The following PDZD2 variants were observed in gnomAD, a reference collection of about 807,000 sequenced individuals.
PDZD2 encodes PDZ domain-containing protein 2.
PDZD2 carries 90 observed loss-of-function variants against 220.7 expected under a neutral mutation model. The ratio of observed to expected loss-of-function variants is 0.41; its 90% CI spans 0.34 to 0.49. PDZD2 has a LOEUF of 0.49. PDZD2 is among the 20% of genes least tolerant of loss of function. PDZD2 has a pLI of 0.28. For missense variants in PDZD2, 3,174 were observed against 3,608.5 expected (o/e 0.88, Z 3.08); for synonymous variants, 1,375 against 1,450.5 (o/e 0.95, Z 1.18).
intron 2 of PDZD2, among the ~76,000 whole-genome samples, chr5:31,935,686 T>A (rs974266689): frequency 6.6e-6 from 1 of 152,270 alleles, no homozygotes; most frequent in Non-Finnish European, 1.5e-5. Context: ...AGATTAAATG[T>A]ATTGTGAAAT....
Position 32,087,920 on chromosome 5 carries a change from C to G in PDZD2, c.4472C>G (p.Ala1491Gly), listed in dbSNP as rs1225936247. Reference protein sequence around the residue: ...SSPRRAWAAGAPAYPQWASQP... With the variant: ...SSPRRAWAAGGPAYPQWASQP... Reference sequence around the variant, plus strand: ...CCGAGGAGGGCCTGGGCTGCTGGTGCCCCCGCCTACCCACAATGGGCCTCC... The same window carrying G: ...CCGAGGAGGGCCTGGGCTGCTGGTGGCCCCGCCTACCCACAATGGGCCTCC... The change falls in exon 20 of 25, where the codon GCC (alanine) becomes GGC (glycine). Residue 1491 changes from alanine (A) to glycine (G), a missense_variant. Ala to Gly is a moderately conservative substitution (Grantham distance 60). Around this residue, in one of 4 missense-constraint regions of PDZD2, gnomAD observed 1,861 missense variants for 2,001.0 expected, o/e 0.93. Transcript: ENST00000438447. This position sits in a 1 kb window ranked among gnomAD's most constrained non-coding sequence, Gnocchi z 4.0. 3.1e-6 allele frequency: 5 copies of G among 1,613,530 alleles called. No homozygotes were observed. Among genetic ancestry groups the G allele is most frequent in the Non-Finnish European group, 8.5e-7 (1 of 1,179,788 alleles).
At chr5:31,972,498 G>A (rs948512784) in intron 2 of PDZD2, among the ~76,000 whole-genome samples, 2 of 151,986 alleles carry the variant, frequency 1.3e-5, no homozygotes, top group African/African-American at 4.8e-5. Flanking sequence ...GGTGTATCAT[G>A]TCTGTTTGCC....
At chr5:31,829,507 GGGTTTCACCATGTTGGCAT>G in intron 2 of PDZD2, among the ~76,000 whole-genome samples, 1 of 151,930 alleles carries the variant, frequency 6.6e-6, no homozygotes, top group Non-Finnish European at 1.5e-5. Flanking sequence ...AGTAAAAACA[GGGTTTCACCATGTTGGCAT>G]GGCTGGTCTC....
At position 32,000,067 on chromosome 5, in the gene PDZD2, C is replaced by T. The variant is rs980094611; in HGVS notation, c.1122-72C>T. ...CGTCCCTCCTCACAACCCTCCCTAGCTCCAGAAAATGGCCCTTCTCAGGCC... is the reference window on the plus strand; with the variant it reads ...CGTCCCTCCTCACAACCCTCCCTAGTTCCAGAAAATGGCCCTTCTCAGGCC... On this transcript the variant is annotated intron_variant, in intron 4 of 24. Coordinates refer to ENST00000438447, the MANE Select transcript of PDZD2 (RefSeq NM_178140.4). The surrounding 1 kb of genome is among the most constrained non-coding windows in gnomAD (Gnocchi z 4.5). 1 of 1,407,718 alleles carries T rather than the reference C, an allele frequency of 7.1e-7. No individual in the cohort carries two copies. Among genetic ancestry groups the T allele is most frequent in the Non-Finnish European group, 1.0e-6 (1 of 1,004,968 alleles). 87.2% of individuals were successfully genotyped at this position (1,407,718 alleles called of 1,614,324 possible).
chr5:32,043,409 C>A (rs531866175), intron 7 of PDZD2, among the ~76,000 whole-genome samples: 3 of 152,368 alleles, frequency 2.0e-5, no homozygotes, highest in East Asian at 1.9e-4. Context: ...GGTTACATGA[C>A]CTGGGTCAGG....
chr5:31,692,296 C>T lies in PDZD2; in HGVS notation c.-361+52859C>T, dbSNP rs528320403. The stretch of plus-strand genomic sequence containing the variant: ...GGAGCCTACGCCCACTCGGAACTTG[C>T]GCTGGCCCGCAAGCACCGGGCGCGG... On this transcript the variant is annotated intron_variant, in intron 1 of 24. Coordinates refer to ENST00000438447, the MANE Select transcript of PDZD2 (RefSeq NM_178140.4). 4.3e-3 allele frequency among the ~76,000 whole-genome samples: 653 copies of T among 152,330 alleles called. 5 individuals are homozygous for T. Among genetic ancestry groups the T allele is most frequent in the African/African-American group, 0.015 (616 of 41,590 alleles).
At chr5:32,009,871 C>T (rs1369524874) in intron 5 of PDZD2, among the ~76,000 whole-genome samples, 1 of 152,036 alleles carries the variant, frequency 6.6e-6, no homozygotes, top group African/African-American at 2.4e-5. Context: ...GCAGGTAGAT[C>T]ACTTGAGGTC....
intron 2 of PDZD2, among the ~76,000 whole-genome samples, chr5:31,899,692 A>C (rs574179083): frequency 3.9e-5 from 6 of 152,194 alleles, no homozygotes; most frequent in Non-Finnish European, 4.4e-5. Context: ...CTAACCCTCA[A>C]GGTGGTGGTA....
In PDZD2 at chr5:32,098,296, C is replaced by CT. The variant is rs1743920618; in HGVS notation, c.7948-67dup. On this transcript the variant is annotated intron_variant, in intron 22 of 24. Coordinates refer to ENST00000438447, the MANE Select transcript of PDZD2 (RefSeq NM_178140.4). The surrounding 1 kb of genome is among the most constrained non-coding windows in gnomAD (Gnocchi z 4.1). Reference sequence around the variant, plus strand: ...TTTACTACAGATACGCAGTTAGTTACTATCTCCCTTTTACCGGAAATCGTA... The same window carrying CT: ...TTTACTACAGATACGCAGTTAGTTACTTATCTCCCTTTTACCGGAAATCGTA... The CT allele has an allele frequency of 6.8e-7, 1 of 1,481,088 alleles. No homozygotes were observed. The highest frequency in any genetic ancestry group is 9.3e-7 in the Non-Finnish European group (1 of 1,077,570). 91.7% of individuals were successfully genotyped at this position (1,481,088 alleles called of 1,614,324 possible).
intron 7 of PDZD2, among the ~76,000 whole-genome samples, chr5:32,045,423 CTT>C (rs201242107): frequency 7.0e-6 from 1 of 143,464 alleles, no homozygotes; most frequent in Admixed American, 7.0e-5. Flanking sequence ...TGTGATCTTT[CTT>C]TTTTTTTTTT....
In PDZD2 at chr5:32,087,047, AG is replaced by A. The variant is rs1414482831; in HGVS notation, c.3683-80del. 5 of 738,188 alleles carry A rather than the reference AG, an allele frequency of 6.8e-6. No individual in the cohort carries two copies. The highest frequency in any genetic ancestry group is 1.1e-5 in the Non-Finnish European group (5 of 442,248). 45.7% of individuals were successfully genotyped at this position (738,188 alleles called of 1,614,324 possible). On this transcript the variant is annotated intron_variant, in intron 19 of 24. Transcript: ENST00000438447. This position sits in a 1 kb window ranked among gnomAD's most constrained non-coding sequence, Gnocchi z 4.0. ...ATAATTTTCTAGTTTTTAATAATTG[AG>A]GGGCTGCTTTCTTATATTATCCCTT...
At chr5:31,992,445 A>G (rs1462769461) in intron 3 of PDZD2, among the ~76,000 whole-genome samples, 1 of 152,078 alleles carries the variant, frequency 6.6e-6, no homozygotes, top group Admixed American at 6.6e-5. Context: ...CAGTATATAT[A>G]TATATACATT....
chr5:31,834,199 T>A (rs1756802059), intron 2 of PDZD2, among the ~76,000 whole-genome samples: 1 of 152,162 alleles, frequency 6.6e-6, no homozygotes, highest in Non-Finnish European at 1.5e-5. Context: ...GACTCCTTCT[T>A]TAAGGGACCC....
rs1742202466 is a variant in PDZD2, at chr5:32,083,883, G to A, written c.3683-3248G>A. Among the ~76,000 whole-genome samples, 3 of 152,048 alleles carry A rather than the reference G, an allele frequency of 2.0e-5. No individual in the cohort carries two copies. Among genetic ancestry groups the A allele is most frequent in the African/African-American group, 7.2e-5 (3 of 41,388 alleles). The stretch of plus-strand genomic sequence containing the variant: ...GTAGAGATGGGATTTCCCCATGTTG[G>A]CCAGGCTGGTTTCGAACTCCTGACC... On this transcript the variant is annotated intron_variant, in intron 19 of 24. Transcript: ENST00000438447. The surrounding 1 kb of genome is among the most constrained non-coding windows in gnomAD (Gnocchi z 4.1).
chr5:31,766,880 C>G (rs1299726898), intron 1 of PDZD2, among the ~76,000 whole-genome samples: 1 of 151,854 alleles, frequency 6.6e-6, no homozygotes, highest in African/African-American at 2.4e-5. Context: ...AAGTGCCCAC[C>G]ACACACCCAG....
chr5:31,741,964 C>T (rs1750291173), intron 1 of PDZD2: 1 of 152,200 alleles, frequency 6.6e-6, no homozygotes, highest in African/African-American at 2.4e-5. Flanking sequence ...GCAGCCTTTC[C>T]TCCAGAAAAC....
At chr5:31,919,440 A>G (rs1347400957) in intron 2 of PDZD2, among the ~76,000 whole-genome samples, 1 of 151,204 alleles carries the variant, frequency 6.6e-6, no homozygotes, top group Non-Finnish European at 1.5e-5. Context: ...TCTGTCTCCC[A>G]GGTTCAAGCG....
chr5:32,052,820 T>C, intron 9 of PDZD2, 90 bp downstream of exon 9: 1 of 1,412,336 alleles, frequency 7.1e-7, no homozygotes, highest in African/African-American at 1.4e-5. Flanking sequence ...TTTTGTGTTT[T>C]TGTTTTTAGA....
chr5:32,045,329 T>G (rs1357509494), intron 7 of PDZD2, among the ~76,000 whole-genome samples: 1 of 152,226 alleles, frequency 6.6e-6, no homozygotes, highest in Non-Finnish European at 1.5e-5. Flanking sequence ...ACCTGGGTTT[T>G]CCTTACTTCA....
Sources: gnomAD v4.1 joint callset for allele counts (sites outside exome capture counted in the v4.1 genomes callset) on GRCh38, gnomAD v4.1.1 for gene constraint, gnomAD v4.1.1 regional missense constraint, Gnocchi (gnomAD v3.1) non-coding constraint, MANE v1.5 for transcripts, NCBI Gene and HGNC (gene_info 2026-07-23, HGNC 2026-07-21) for gene names.